PCDHA12: variants seen among roughly 807,000 people sequenced by gnomAD.
PCDHA12 encodes protocadherin alpha-12.
Under a neutral mutation model 60.0 loss-of-function variants are expected in PCDHA12, and 44 were observed. That is an observed-to-expected ratio of 0.73 (90% CI 0.58 to 0.94). The LOEUF is 0.94. Ranked by LOEUF, PCDHA12 falls within the 40% of genes least tolerant of loss-of-function variation. The probability of loss-of-function intolerance (pLI) is 0.00; values close to 1 mark genes in which losing one functional copy is unlikely to be tolerated. For missense variants in PCDHA12, 1,276 were observed against 1,239.7 expected (o/e 1.03, Z -0.44); for synonymous variants, 569 against 553.0 (o/e 1.03, Z -0.40).
chr5:140,883,356 C>T (rs147755059), intron 1 of PCDHA12: 31 of 1,614,190 alleles, frequency 1.9e-5, no homozygotes, highest in Non-Finnish European at 2.3e-5. Flanking sequence ...AGAGAAGACA[C>T]TCAGCCTAGC....
intron 1 of PCDHA12, among the ~76,000 whole-genome samples, chr5:140,890,175 A>G (rs1488442027): frequency 6.6e-6 from 1 of 152,158 alleles, no homozygotes; most frequent in Non-Finnish European, 1.5e-5. Context: ...GAAATAGGCA[A>G]ATGCTACAAA....
At chr5:140,942,737 A>C (rs180744405) in intron 1 of PCDHA12, among the ~76,000 whole-genome samples, 1 of 152,354 alleles carries the variant, frequency 6.6e-6, no homozygotes, top group East Asian at 1.9e-4. Context: ...AAAATATTTT[A>C]AAATCTTGTA....
chr5:140,927,349 G>A (rs782650880), intron 1 of PCDHA12: 3 of 1,614,016 alleles, frequency 1.9e-6, no homozygotes, highest in Admixed American at 1.7e-5. Context: ...AGATGACGAC[G>A]AGGGAAGCAA....
chr5:140,986,154 A>G (rs2097188970), intron 3 of PCDHA12, among the ~76,000 whole-genome samples: 1 of 152,182 alleles, frequency 6.6e-6, no homozygotes, highest in Non-Finnish European at 1.5e-5. Context: ...TCACCAAGTA[A>G]TGTTTTCTGC....
At chr5:140,960,455 T>A (rs1585839337) in intron 1 of PCDHA12, among the ~76,000 whole-genome samples, 3 of 152,274 alleles carry the variant, frequency 2.0e-5, no homozygotes, top group African/African-American at 7.2e-5. Flanking sequence ...ATGGATAATT[T>A]TGAGAAGTAA....
At chr5:140,987,119 CAGG>C (rs1258206409) in intron 3 of PCDHA12, among the ~76,000 whole-genome samples, 2 of 151,448 alleles carry the variant, frequency 1.3e-5, no homozygotes, top group Non-Finnish European at 2.9e-5. Flanking sequence ...GAGGCTGAGG[CAGG>C]AGAATTGCTT....
At chr5:140,979,922 A>T (rs1317860679) in intron 2 of PCDHA12, among the ~76,000 whole-genome samples, 1 of 152,276 alleles carries the variant, frequency 6.6e-6, no homozygotes, top group Non-Finnish European at 1.5e-5. Flanking sequence ...GAGAAAGCCT[A>T]CAAAGTATGT....
chr5:140,941,248 T>TTTCTTTCC (rs1563187616), intron 1 of PCDHA12, among the ~76,000 whole-genome samples: 1 of 141,492 alleles, frequency 7.1e-6, no homozygotes, highest in African/African-American at 2.6e-5. Context: ...TCTTTCTTTC[T>TTTCTTTCC]TTCTTTCTCT....
Position 140,968,978 on chromosome 5 carries a change from G to T in PCDHA12, c.2368-9971G>T, listed in dbSNP as rs782147151. ...CAAGTGCTACCGCTACACTGCGTATGGCACTGCATGCTGTGGAGGCTTCTG... is the reference window on the plus strand; with the variant it reads ...CAAGTGCTACCGCTACACTGCGTATTGCACTGCATGCTGTGGAGGCTTCTG... On this transcript the variant is annotated intron_variant, in intron 1 of 3. Coordinates refer to ENST00000398631, the MANE Select transcript of PCDHA12 (RefSeq NM_018903.4). The T allele has an allele frequency of 8.7e-6, 14 of 1,614,212 alleles. No homozygotes were observed. Among genetic ancestry groups the T allele is most frequent in the Non-Finnish European group, 1.2e-5 (14 of 1,180,042 alleles).
chr5:140,884,450 AC>A, intron 1 of PCDHA12: 1 of 1,613,762 alleles, frequency 6.2e-7, no homozygotes, highest in Non-Finnish European at 8.5e-7. Context: ...GGCACCGCCC[AC>A]CGAGGGCGCG....
intron 1 of PCDHA12, among the ~76,000 whole-genome samples, chr5:140,908,084 T>G (rs2073791096): frequency 6.6e-6 from 1 of 152,202 alleles, no homozygotes; most frequent in Non-Finnish European, 1.5e-5. Context: ...CACAACCAGG[T>G]GCACTGATTG....
At chr5:141,001,705 G>A (rs2098033380) in intron 3 of PCDHA12, among the ~76,000 whole-genome samples, 1 of 152,194 alleles carries the variant, frequency 6.6e-6, no homozygotes, top group African/African-American at 2.4e-5. Context: ...GAAATAGGGG[G>A]CGGGGAAGGA....
Position 140,938,896 on chromosome 5 carries a change from C to T in PCDHA12, c.2368-40053C>T, listed in dbSNP as rs188490743. 3.9e-5 allele frequency among the ~76,000 whole-genome samples: 6 copies of T among 152,036 alleles called. 1 individual carries two copies. The East Asian group carries it at 1.2e-3, about 29-fold the overall frequency. The stretch of plus-strand genomic sequence containing the variant: ...GAAGCAACACACACACACACAGATG[C>T]GCACACACACACACGCACAAGAAAT... On this transcript the variant is annotated intron_variant, in intron 1 of 3. Transcript: ENST00000398631.
At chr5:140,923,877 C>T (rs555626217) in intron 1 of PCDHA12, among the ~76,000 whole-genome samples, 5 of 152,284 alleles carry the variant, frequency 3.3e-5, no homozygotes, top group East Asian at 1.9e-4. Flanking sequence ...ATCTGAGAAG[C>T]GTGTGAAAGA....
chr5:140,942,540 G>T (rs1013086382), intron 1 of PCDHA12, among the ~76,000 whole-genome samples: 52 of 152,164 alleles, frequency 3.4e-4, no homozygotes, highest in African/African-American at 1.1e-3. Flanking sequence ...TCAGTATGGT[G>T]GGGGGTAGGG....
chr5:140,928,998 CGT>C, intron 1 of PCDHA12: 1 of 1,613,902 alleles, frequency 6.2e-7, no homozygotes. Flanking sequence ...TACTTTTCTT[CGT>C]GTGTACCAAG....
intron 1 of PCDHA12, chr5:140,967,993 T>C (rs372478638): frequency 1.5e-5 from 24 of 1,614,206 alleles, no homozygotes; most frequent in Non-Finnish European, 1.2e-5. Flanking sequence ...CCACACTGCC[T>C]TTCCGACTGA....
At chr5:140,987,022 T>C (rs1218338191) in intron 3 of PCDHA12, among the ~76,000 whole-genome samples, 1 of 152,068 alleles carries the variant, frequency 6.6e-6, no homozygotes, top group African/African-American at 2.4e-5. Flanking sequence ...GAGACCAGCC[T>C]GGTCAACATG....
At chr5:140,970,802 AC>A (rs1407360459) in intron 1 of PCDHA12, among the ~76,000 whole-genome samples, 1 of 152,216 alleles carries the variant, frequency 6.6e-6, no homozygotes, top group Non-Finnish European at 1.5e-5. Flanking sequence ...CCATATTGTT[AC>A]ATTTCAAGTT....
Sources: gnomAD v4.1 joint callset for allele counts (sites outside exome capture counted in the v4.1 genomes callset) on GRCh38, gnomAD v4.1.1 for gene constraint, MANE v1.5 for transcripts, NCBI Gene and HGNC (gene_info 2026-07-23, HGNC 2026-07-21) for gene names.